The following MYO9A variants were observed in gnomAD, a reference collection of about 807,000 sequenced individuals.
MYO9A encodes the protein myosin IXA.
A neutral mutation model predicts 293.3 loss-of-function variants in MYO9A; 103 were observed. The ratio of observed to expected loss-of-function variants is 0.35; its 90% confidence interval spans 0.30 to 0.41. The LOEUF (loss-of-function observed/expected upper bound fraction) is 0.41, where lower values mean the gene tolerates loss of function less well. MYO9A is among the 10% of genes least tolerant of loss of function. MYO9A has a pLI of 1.00. For synonymous variants in MYO9A, 1,001 were observed against 1,035.7 expected (o/e 0.97, Z 0.64); for missense variants, 2,685 against 3,033.0 (o/e 0.89, Z 2.69).
rs187812152 is a variant in MYO9A at position 72,072,494 on chromosome 15, A to G, written c.-71-25860T>C. On this transcript the variant is annotated intron_variant, in intron 1 of 41. Coordinates refer to ENST00000356056, the MANE Select transcript of MYO9A (RefSeq NM_006901.4). ...TCACAATAGCAAAGTTATGGAATCA[A>G]TCATCAATGTAAGTGCCCATCAATG... 8.5e-5 allele frequency among the ~76,000 whole-genome samples: 13 copies of G among 152,344 alleles called. No homozygotes were observed. In the East Asian group the frequency reaches 2.3e-3, roughly 27 times the overall value.
chr15:71,935,463 C>G lies in MYO9A; in HGVS notation c.2400G>C (p.Trp800Cys). Residue 800 changes from tryptophan (W) to cysteine (C), a missense_variant, in exon 17 of 42, where the codon TGG (tryptophan) becomes TGC (cysteine). Trp to Cys is a radical substitution (Grantham distance 215). Around this residue, in one of 10 missense-constraint regions of MYO9A, gnomAD observed 1,434 missense variants for 1,497.7 expected, o/e 0.96. Transcript: ENST00000356056. ...TCTGGCGAATCCCAGTTCTGCCATT[C>G]CAGGCAATATCAAATGTATCACTGT... Reference protein sequence around the residue: ...KNQHDTFDIAWNGRTGIRQSR... With the variant: ...KNQHDTFDIACNGRTGIRQSR... 1 of 1,613,390 alleles carries G rather than the reference C, an allele frequency of 6.2e-7. No homozygotes were observed. Among genetic ancestry groups the G allele is most frequent in the South Asian group, 1.1e-5 (1 of 91,040 alleles).
At chr15:72,109,936 AAATCG>A (rs2080717479) in intron 1 of MYO9A, among the ~76,000 whole-genome samples, 1 of 151,716 alleles carries the variant, frequency 6.6e-6, no homozygotes, top group Non-Finnish European at 1.5e-5. Context: ...AAAAATCTAA[AAATCG>A]TTTATAAACA....
chr15:71,934,521 A>G (rs2058570884), intron 17 of MYO9A, among the ~76,000 whole-genome samples: 1 of 152,162 alleles, frequency 6.6e-6, no homozygotes. Context: ...CAATTCAGTC[A>G]CACCTCTAGC....
intron 1 of MYO9A, among the ~76,000 whole-genome samples, chr15:72,069,981 C>G (rs1006748006): frequency 3.3e-5 from 5 of 151,470 alleles, no homozygotes; most frequent in African/African-American, 1.2e-4. Context: ...AAAAAATTAG[C>G]TGGGCATGGT....
chr15:71,850,006 T>C, intron 38 of MYO9A, 30 bp downstream of exon 38: 1 of 1,612,000 alleles, frequency 6.2e-7, no homozygotes. Flanking sequence ...GTCCCTGAGG[T>C]CTTGCAAAGG....
At chr15:71,861,901 C>A (rs1426305591) in intron 33 of MYO9A, among the ~76,000 whole-genome samples, 1 of 152,058 alleles carries the variant, frequency 6.6e-6, no homozygotes, top group Non-Finnish European at 1.5e-5. Context: ...TAGGCCAAGG[C>A]GGGAGGATCA....
intron 40 of MYO9A, 62 bp downstream of exon 40, chr15:71,830,047 G>C: frequency 6.7e-7 from 1 of 1,498,076 alleles, no homozygotes; most frequent in Non-Finnish European, 9.2e-7. Flanking sequence ...ATAAAGAAAC[G>C]ATAGAAGGAA....
At chr15:71,899,065 A>G in intron 24 of MYO9A, 33 bp from the exon 25 acceptor site, 1 of 1,489,988 alleles carries the variant, frequency 6.7e-7, no homozygotes, top group Non-Finnish European at 9.0e-7. Context: ...GGTTATAGAA[A>G]TATCTTAGTT....
chr15:71,859,827 T>C (rs766242781), intron 33 of MYO9A, 31 bp from the exon 34 acceptor site: 2 of 1,575,660 alleles, frequency 1.3e-6, no homozygotes, highest in Middle Eastern at 1.7e-4. Context: ...GCAACATTTT[T>C]AGAAGTCTGT....
rs534001108 is a variant in MYO9A, at chr15:71,948,195, A to G, written c.2302+3582T>C. Among the ~76,000 whole-genome samples the G allele has an allele frequency of 3.9e-5, 6 of 152,308 alleles. No homozygotes were observed. The South Asian group carries it at 1.0e-3, about 26-fold the overall frequency. ...TCAATTTGTGGACATATTTTAAACC[A>G]CCAAAATAATGTCAGATTTTTTACT... On this transcript the variant is annotated intron_variant, in intron 15 of 41. Transcript: ENST00000356056.
chr15:71,999,511 G>A (rs553992388), intron 9 of MYO9A, among the ~76,000 whole-genome samples: 3 of 152,204 alleles, frequency 2.0e-5, no homozygotes, highest in African/African-American at 7.2e-5. Flanking sequence ...TGATGTGCTA[G>A]AAGAAACTGT....
chr15:71,985,649 C>CA (rs2076390264), intron 11 of MYO9A, among the ~76,000 whole-genome samples: 1 of 152,118 alleles, frequency 6.6e-6, no homozygotes, highest in African/African-American at 2.4e-5. Context: ...AGAAACACTA[C>CA]AAAAATAACG....
intron 1 of MYO9A, among the ~76,000 whole-genome samples, chr15:72,103,407 C>A (rs1274294533): frequency 1.5e-5 from 2 of 134,792 alleles, no homozygotes; most frequent in African/African-American, 6.2e-5. Context: ...CAGCAGCAAG[C>A]AGCAAGCAGC....
At chr15:72,070,794 A>G (rs1409753927) in intron 1 of MYO9A, among the ~76,000 whole-genome samples, 2 of 152,190 alleles carry the variant, frequency 1.3e-5, no homozygotes, top group African/African-American at 2.4e-5. Flanking sequence ...ACAATAATAA[A>G]CAATGGGGAG....
chr15:71,830,477 C>T (rs1221461440), intron 39 of MYO9A, among the ~76,000 whole-genome samples, 166 bp from the exon 40 acceptor site: 1 of 152,216 alleles, frequency 6.6e-6, no homozygotes, highest in Admixed American at 6.5e-5. Flanking sequence ...TCATACAACA[C>T]ATTTAAGTTA....
intron 2 of MYO9A, among the ~76,000 whole-genome samples, chr15:72,041,914 A>C (rs561356735): frequency 6.6e-6 from 1 of 151,994 alleles, no homozygotes; most frequent in South Asian, 2.1e-4. Flanking sequence ...AATCACATGA[A>C]TAACTCTATA....
intron 2 of MYO9A, among the ~76,000 whole-genome samples, chr15:72,032,962 T>C (rs895032186): frequency 5.3e-5 from 8 of 152,250 alleles, no homozygotes; most frequent in African/African-American, 1.9e-4. Flanking sequence ...GCAATTCTCC[T>C]GCCTCAGCCT....
At chr15:71,941,301 G>A (rs1415588373) in intron 15 of MYO9A, among the ~76,000 whole-genome samples, 2 of 152,098 alleles carry the variant, frequency 1.3e-5, no homozygotes, top group African/African-American at 4.8e-5. Context: ...CCGGCATGGT[G>A]GCACACACTT....
At chr15:72,108,746 T>C (rs2151072777) in intron 1 of MYO9A, among the ~76,000 whole-genome samples, 1 of 149,246 alleles carries the variant, frequency 6.7e-6, no homozygotes, top group East Asian at 2.0e-4. Context: ...TGCAGTAAAC[T>C]TGTCATGACA....
Sources: allele counts gnomAD v4.1 joint callset (sites outside exome capture counted in the v4.1 genomes callset), GRCh38; gene constraint gnomAD v4.1.1; regional missense constraint gnomAD v4.1.1; transcripts MANE v1.5; gene names NCBI Gene and HGNC (gene_info 2026-07-23, HGNC 2026-07-21).